The following CNTNAP2 variants were observed in gnomAD, a reference collection of about 807,000 sequenced individuals.
The protein encoded by CNTNAP2 is contactin associated protein 2.
Under a neutral mutation model 155.2 loss-of-function variants are expected in CNTNAP2, and 98 were observed. The ratio of observed to expected loss-of-function variants is 0.63; its 90% CI spans 0.54 to 0.75. CNTNAP2 has a LOEUF of 0.75. Ranked by LOEUF, CNTNAP2 falls within the 30% of genes least tolerant of loss-of-function variation. The pLI is 0.00. For synonymous variants in CNTNAP2, 651 were observed against 631.2 expected (o/e 1.03, Z -0.47); for missense variants, 1,727 against 1,688.1 (o/e 1.02, Z -0.40).
intron 8 of CNTNAP2, among the ~76,000 whole-genome samples, chr7:147,207,398 A>G (rs1803045257): frequency 2.6e-5 from 4 of 152,262 alleles, no homozygotes; most frequent in Admixed American, 2.6e-4. Context: ...ATCATGTATC[A>G]TTATGTTTTA....
intron 8 of CNTNAP2, among the ~76,000 whole-genome samples, chr7:147,154,542 C>T (rs1801886635): frequency 6.6e-6 from 1 of 152,140 alleles, no homozygotes; most frequent in African/African-American, 2.4e-5. Context: ...ACTTTTAAAT[C>T]ATCTTCCATT....
intron 13 of CNTNAP2, among the ~76,000 whole-genome samples, chr7:147,717,295 TA>T (rs1259767330): frequency 6.6e-6 from 1 of 152,128 alleles, no homozygotes; most frequent in Non-Finnish European, 1.5e-5. Context: ...AGGCACACAC[TA>T]ATTCCCGAGG....
intron 1 of CNTNAP2, among the ~76,000 whole-genome samples, chr7:146,683,208 T>C (rs1380093548): frequency 3.3e-5 from 5 of 152,042 alleles, no homozygotes; most frequent in Non-Finnish European, 7.4e-5. Context: ...GATTTTTGTA[T>C]TTTTAATACA....
chr7:148,078,716 G>T (rs1803542961), intron 15 of CNTNAP2, among the ~76,000 whole-genome samples: 1 of 152,176 alleles, frequency 6.6e-6, no homozygotes, highest in Non-Finnish European at 1.5e-5. Context: ...CCTGACCTCA[G>T]ATGATCCACC....
At chr7:147,293,453 A>G (rs1805355915) in intron 8 of CNTNAP2, among the ~76,000 whole-genome samples, 3 of 152,310 alleles carry the variant, frequency 2.0e-5, no homozygotes, top group Admixed American at 2.0e-4. Context: ...GTTTTATTGC[A>G]TAAAAGGATA....
intron 13 of CNTNAP2, chr7:147,850,005 C>T (rs1584989276): frequency 6.6e-6 from 1 of 152,144 alleles, no homozygotes; most frequent in Non-Finnish European, 1.5e-5. Context: ...TTATAGGCTG[C>T]TTCAGCCTTC....
At chr7:146,802,332 C>T (rs56819622) in intron 2 of CNTNAP2, among the ~76,000 whole-genome samples, 3,595 of 152,284 alleles carry the variant, frequency 0.024, 162 homozygotes, top group African/African-American at 0.083. Flanking sequence ...ACCCCCCTTA[C>T]ATCAAATCCC....
intron 1 of CNTNAP2, among the ~76,000 whole-genome samples, chr7:146,556,245 A>C (rs117886012): frequency 0.011 from 1,679 of 152,276 alleles, 18 homozygotes; most frequent in Middle Eastern, 0.024. Context: ...AAAAGTACTT[A>C]GAATAAGGAG....
chr7:147,633,177 G>T (rs941328151), intron 12 of CNTNAP2, among the ~76,000 whole-genome samples: 1 of 152,176 alleles, frequency 6.6e-6, no homozygotes, highest in Admixed American at 6.5e-5. Flanking sequence ...GGCTAAAAGG[G>T]GTCAAGGAAC....
At chr7:147,137,039 A>G (rs941737909) in intron 8 of CNTNAP2, among the ~76,000 whole-genome samples, 4 of 151,810 alleles carry the variant, frequency 2.6e-5, no homozygotes, top group Admixed American at 6.6e-5. Context: ...GCCTTAAAAG[A>G]TGTTACTTCC....
At chr7:148,249,898 G>A (rs191447072) in intron 20 of CNTNAP2, among the ~76,000 whole-genome samples, 1 of 152,290 alleles carries the variant, frequency 6.6e-6, no homozygotes, top group Non-Finnish European at 1.5e-5. Flanking sequence ...CTCCTGACGG[G>A]TCTCCAAGCT....
intron 22 of CNTNAP2, among the ~76,000 whole-genome samples, chr7:148,395,858 A>ACTAT (rs1799455267): frequency 1.3e-5 from 2 of 152,170 alleles, no homozygotes; most frequent in Non-Finnish European, 2.9e-5. Flanking sequence ...CAGCTTTGGA[A>ACTAT]CTATCTCCAA....
At chr7:147,424,349 A>G (rs1055687976) in intron 10 of CNTNAP2, among the ~76,000 whole-genome samples, 2 of 152,206 alleles carry the variant, frequency 1.3e-5, no homozygotes, top group Non-Finnish European at 2.9e-5. Flanking sequence ...AGCAATCTGC[A>G]TGCTGCTAAA....
chr7:147,503,684 TA>T (rs35831748), intron 11 of CNTNAP2, among the ~76,000 whole-genome samples: 27,414 of 139,776 alleles, frequency 0.2, 2,568 homozygotes, highest in African/African-American at 0.24. Flanking sequence ...TTCTCTTTTG[TA>T]AAAAAAAAAA....
intron 19 of CNTNAP2, 59 bp downstream of exon 19, chr7:148,217,583 G>C: frequency 3.9e-6 from 6 of 1,537,354 alleles, no homozygotes; most frequent in Non-Finnish European, 5.4e-6. Flanking sequence ...GAATGTTCTA[G>C]CAAGAGTCTA....
intron 12 of CNTNAP2, among the ~76,000 whole-genome samples, chr7:147,604,534 T>A (rs1278532160): frequency 2.6e-5 from 4 of 152,194 alleles, no homozygotes; most frequent in East Asian, 3.8e-4. Flanking sequence ...TGTTCTCAGC[T>A]AATCTCTTGC....
chr7:147,764,152 C>T lies in CNTNAP2; in HGVS notation c.2098+124846C>T, dbSNP rs114777643. Among the ~76,000 whole-genome samples, 935 of 152,182 alleles carry T rather than the reference C, an allele frequency of 6.1e-3. 4 individuals carry two copies. The highest frequency in any genetic ancestry group is 0.021 in the African/African-American group (890 of 41,532). On this transcript the variant is annotated intron_variant, in intron 13 of 23. Transcript: ENST00000361727. Reference sequence around the variant, plus strand: ...TTGCTATGGGTTATTTTCTTAGGTACTTGGTGTCTTGCCCTACACCATAGC... The same window carrying T: ...TTGCTATGGGTTATTTTCTTAGGTATTTGGTGTCTTGCCCTACACCATAGC...
At chr7:146,654,138 T>A (rs530525599) in intron 1 of CNTNAP2, among the ~76,000 whole-genome samples, 1 of 152,060 alleles carries the variant, frequency 6.6e-6, no homozygotes, top group Non-Finnish European at 1.5e-5. Context: ...TGCATGGGGG[T>A]AGAACTCTAA....
intron 15 of CNTNAP2, among the ~76,000 whole-genome samples, chr7:148,098,104 G>T (rs962741117): frequency 6.6e-6 from 1 of 152,140 alleles, no homozygotes; most frequent in Non-Finnish European, 1.5e-5. Flanking sequence ...TATGTGGGAA[G>T]TGTTCTGGGC....
Sources: allele counts gnomAD v4.1 joint callset (sites outside exome capture counted in the v4.1 genomes callset), GRCh38; gene constraint gnomAD v4.1.1; transcripts MANE v1.5; gene names NCBI Gene and HGNC (gene_info 2026-07-23, HGNC 2026-07-21).